The following C6orf163 variants were observed in gnomAD, a reference collection of about 807,000 sequenced individuals.
C6orf163 encodes uncharacterized protein C6orf163.
A neutral mutation model predicts 28.4 loss-of-function variants in C6orf163; 22 were observed. That is an observed-to-expected ratio of 0.78 (90% CI 0.55 to 1.11). The LOEUF is 1.11. Among genes scored for constraint, C6orf163 ranks in the 50% least tolerant of loss-of-function variants. C6orf163 has a pLI of 0.00. For synonymous variants in C6orf163, 110 were observed against 123.6 expected (o/e 0.89, Z 0.73); for missense variants, 342 against 389.1 (o/e 0.88, Z 1.02).
chr6:87,348,764 A>G, intron 1 of C6orf163, 48 bp from the exon 2 acceptor site: 1 of 1,531,206 alleles, frequency 6.5e-7, no homozygotes, highest in Non-Finnish European at 8.7e-7. Flanking sequence ...AAGGAAAGCC[A>G]GGAAGCAGTC....
chr6:87,357,502 G>A (rs894727257), intron 4 of C6orf163: 1 of 152,186 alleles, frequency 6.6e-6, no homozygotes, highest in South Asian at 2.1e-4. Flanking sequence ...AGGGACACAG[G>A]TAAGATCCTG....
At chr6:87,361,268 A>T (rs890260781) in intron 4 of C6orf163, among the ~76,000 whole-genome samples, 1 of 152,064 alleles carries the variant, frequency 6.6e-6, no homozygotes, top group Admixed American at 6.5e-5. Context: ...TGGGCAACAG[A>T]GTGGGACCCT....
intron 1 of C6orf163, chr6:87,348,423 TGCTAGCCCTA>T (rs1299307909): frequency 2.0e-6 from 2 of 993,092 alleles, no homozygotes; most frequent in African/African-American, 3.5e-5. Context: ...CTTCTCCTGA[TGCTAGCCCTA>T]GCACCCAAAT....
intron 3 of C6orf163, among the ~76,000 whole-genome samples, chr6:87,352,462 C>A (rs1017012790): frequency 6.6e-6 from 1 of 152,144 alleles, no homozygotes; most frequent in Non-Finnish European, 1.5e-5. Context: ...GTCAAGACCA[C>A]CAGGTATTAC....
intron 3 of C6orf163, among the ~76,000 whole-genome samples, chr6:87,351,722 G>A (rs1777415447): frequency 6.6e-6 from 1 of 152,236 alleles, no homozygotes; most frequent in Non-Finnish European, 1.5e-5. Context: ...TTGATAAATA[G>A]TTACCCGCTA....
intron 2 of C6orf163, among the ~76,000 whole-genome samples, chr6:87,349,646 AT>A (rs1777381253): frequency 2.0e-5 from 3 of 152,278 alleles, no homozygotes; most frequent in Non-Finnish European, 4.4e-5. Context: ...TAAAATAGAC[AT>A]TATAGCAAAT....
At chr6:87,358,035 C>T (rs972818480) in intron 4 of C6orf163, 17 of 152,228 alleles carry the variant, frequency 1.1e-4, no homozygotes, top group East Asian at 7.7e-4. Context: ...TCCAATTAGT[C>T]GAAGCCACTC....
intron 4 of C6orf163, chr6:87,357,620 A>T (rs1374244719): frequency 1.3e-5 from 2 of 152,398 alleles, no homozygotes; most frequent in Non-Finnish European, 2.9e-5. Context: ...GAGGAAGATG[A>T]GAGGGGATAC....
Position 87,345,022 on chromosome 6 carries a change from C to G in C6orf163, c.-78C>G. ...ACCTCTTCCAGCTTTCTTAAACTTT[C>G]AGCTTTTCTTGAAACGACTTTTTCT... On this transcript the variant is annotated 5_prime_UTR_variant, in exon 1 of 5. Transcript: ENST00000388923. 8.2e-7 allele frequency: 1 copy of G among 1,215,358 alleles called. No homozygotes were observed. Among genetic ancestry groups the G allele is most frequent in the Non-Finnish European group, 1.1e-6 (1 of 891,832 alleles). The allele number at this position is 1,215,358 out of a possible 1,614,324, so 75.3% of individuals were successfully genotyped here.
At chr6:87,356,953 G>A (rs1777512291) in intron 4 of C6orf163, 1 of 154,016 alleles carries the variant, frequency 6.5e-6, no homozygotes, top group African/African-American at 2.4e-5. Flanking sequence ...TATTGTGTTT[G>A]TGTTACTTTT....
chr6:87,362,167 G>C (rs1001254433), intron 4 of C6orf163, among the ~76,000 whole-genome samples: 1 of 152,128 alleles, frequency 6.6e-6, no homozygotes. Context: ...TGTTACAAGG[G>C]AATAGTCACA....
intron 3 of C6orf163, among the ~76,000 whole-genome samples, chr6:87,354,877 TTCTC>T (rs899366320): frequency 2.0e-5 from 3 of 152,218 alleles, no homozygotes; most frequent in African/African-American, 4.8e-5. Context: ...TCTCTTGACT[TTCTC>T]TCAGCTTCAG....
chr6:87,355,972 A>G (rs1409060300), intron 3 of C6orf163, among the ~76,000 whole-genome samples: 1 of 152,210 alleles, frequency 6.6e-6, no homozygotes, highest in Non-Finnish European at 1.5e-5. Flanking sequence ...GTAATTATGT[A>G]TAATGATAAT....
In C6orf163 at chr6:87,361,618, C is replaced by CTT. The variant is rs1777581899; in HGVS notation, c.555-3343_555-3342insTT. ...CTGGTCATCACCCTGACAATCTCATCAACAGCCTGAGGATGTTATCAGACA... is the reference window on the plus strand; with the variant it reads ...CTGGTCATCACCCTGACAATCTCATCTTAACAGCCTGAGGATGTTATCAGACA... On this transcript the variant is annotated intron_variant, in intron 4 of 4. Transcript: ENST00000388923. 3.5e-4 allele frequency among the ~76,000 whole-genome samples: 53 copies of CTT among 152,264 alleles called. 2 individuals carry two copies. In the South Asian group the frequency reaches 1.0e-2, roughly 29 times the overall value.
chr6:87,345,655 C>G (rs1777310861), intron 1 of C6orf163, among the ~76,000 whole-genome samples: 1 of 152,022 alleles, frequency 6.6e-6, no homozygotes, highest in African/African-American at 2.4e-5. Flanking sequence ...GGCACAGTGG[C>G]TCACACCTGT....
intron 2 of C6orf163, 57 bp from the exon 3 acceptor site, chr6:87,350,337 A>C (rs1233803055): frequency 2.7e-6 from 3 of 1,106,954 alleles, no homozygotes; most frequent in Non-Finnish European, 3.9e-6. Context: ...AAATAAGCCA[A>C]GTTTGCTTGT....
intron 3 of C6orf163, among the ~76,000 whole-genome samples, chr6:87,351,310 C>T (rs1483456486): frequency 2.6e-5 from 4 of 152,212 alleles, no homozygotes; most frequent in Admixed American, 6.5e-5. Flanking sequence ...GAGGTCCGGA[C>T]CCAGGTTTGG....
intron 1 of C6orf163, chr6:87,347,665 A>G (rs1777348086): frequency 2.0e-6 from 2 of 985,278 alleles, no homozygotes; most frequent in Non-Finnish European, 1.2e-6. Context: ...AATAGACTGC[A>G]TGAAATGGAA....
intron 4 of C6orf163, among the ~76,000 whole-genome samples, chr6:87,360,256 G>A (rs1422173783): frequency 1.4e-5 from 2 of 142,514 alleles, no homozygotes; most frequent in Admixed American, 1.4e-4. Flanking sequence ...CATATGATAA[G>A]CTTTCTAGGC....
Sources: gnomAD v4.1 joint callset for allele counts (sites outside exome capture counted in the v4.1 genomes callset) on GRCh38, gnomAD v4.1.1 for gene constraint, MANE v1.5 for transcripts, NCBI Gene and HGNC (gene_info 2026-07-23, HGNC 2026-07-21) for gene names.